The following KDM5C variants were observed in gnomAD, a reference collection of about 807,000 sequenced individuals.
KDM5C encodes lysine demethylase 5C.
KDM5C carries 16 observed loss-of-function variants against 110.6 expected under a neutral mutation model. The observed-to-expected ratio is 0.14, with a 90% confidence interval of 0.10 to 0.22. The LOEUF (loss-of-function observed/expected upper bound fraction) is 0.22, where lower values mean the gene tolerates loss of function less well. Among genes scored for constraint, KDM5C ranks in the 10% least tolerant of loss-of-function variants. KDM5C has a pLI of 1.00. For missense variants in KDM5C, 681 were observed against 1,300.9 expected (o/e 0.52, Z 7.33); for synonymous variants, 511 against 520.4 (o/e 0.98, Z 0.24).
chrX:53,215,923 C>G lies in KDM5C; in HGVS notation c.835G>C (p.Gly279Arg), dbSNP rs2073727852. 8.3e-7 allele frequency: 1 copy of G among 1,211,976 alleles called. No individual in the cohort carries two copies. The highest frequency in any genetic ancestry group is 1.1e-6 in the Non-Finnish European group (1 of 895,476). Residue 279 changes from glycine (G) to arginine (R), a missense_variant, in exon 7 of 26, where the codon GGG becomes CGG. Around this residue, in one of 14 missense-constraint regions of KDM5C, gnomAD observed 71 missense variants for 115.0 expected, o/e 0.62. Transcript: ENST00000375401. ...PTVVVKEELG[G>R]DVKVESTSPK... ...GATGTTGACTCCACCTTCACATCCCCACCTAACTCCTCCTTCACCACTACT... is the reference window on the plus strand; with the variant it reads ...GATGTTGACTCCACCTTCACATCCCGACCTAACTCCTCCTTCACCACTACT...
chrX:53,176,811 C>T (rs1419076407), intron 25 of KDM5C, among the ~76,000 whole-genome samples: 1 of 111,914 alleles, frequency 8.9e-6, no homozygotes, highest in East Asian at 2.8e-4. Flanking sequence ...TACTGTACGA[C>T]TCTATGATGT....
chrX:53,218,530 C>T (rs2073810949), intron 2 of KDM5C, 132 bp from the exon 3 acceptor site: 6 of 774,154 alleles, frequency 7.8e-6, no homozygotes, highest in South Asian at 2.2e-5. Context: ...CCCAATGAAC[C>T]GGATCCCAGA....
chrX:53,203,926 C>T (rs1556843726), intron 12 of KDM5C, among the ~76,000 whole-genome samples: 2 of 111,091 alleles, frequency 1.8e-5, no homozygotes, highest in African/African-American at 3.3e-5. Context: ...GCCACTATGC[C>T]GTATTTTTAG....
intron 14 of KDM5C, among the ~76,000 whole-genome samples, chrX:53,201,052 T>C (rs2073124991): frequency 8.9e-6 from 1 of 112,893 alleles, no homozygotes; most frequent in South Asian, 3.6e-4. Flanking sequence ...GCAAAGGCAA[T>C]GTTAGAGAGA....
rs1556853069 is a variant in KDM5C at position 53,218,307 on chromosome X, C to T, written c.320G>A (p.Arg107Gln). The change falls in exon 3 of 26, where the codon CGG becomes CAG. Residue 107 changes from arginine (R) to glutamine (Q), a missense_variant. Physicochemically the swap from Arg to Gln is conservative, Grantham distance 43 (BLOSUM62 1). Around this residue, in one of 14 missense-constraint regions of KDM5C, gnomAD observed 55 missense variants for 118.0 expected, o/e 0.47. Transcript: ENST00000375401. ...GAGACTGTAGAGGTCCAAGATCCGC[C>T]GTTCTACATTGGGAATCTTTAAGGA... ...GSSLKIPNVE[R>Q]RILDLYSLSK... 2 of 1,209,082 alleles carry T rather than the reference C, an allele frequency of 1.7e-6. No homozygotes were observed. Among genetic ancestry groups the T allele is most frequent in the Non-Finnish European group, 2.2e-6 (2 of 894,493 alleles).
chrX:53,217,629 C>A (rs2073784657), intron 4 of KDM5C, among the ~76,000 whole-genome samples, 167 bp downstream of exon 4: 1 of 111,989 alleles, frequency 8.9e-6, no homozygotes, highest in African/African-American at 3.2e-5. Context: ...ACAGATAACT[C>A]CAGGACCTCT....
exon 26 of KDM5C, among the ~76,000 whole-genome samples, chrX:53,176,446 G>C (rs1933886198): frequency 8.9e-6 from 1 of 111,937 alleles, no homozygotes; most frequent in Non-Finnish European, 1.9e-5. Context: ...CGGGCAGCAG[G>C]TGGTTGGATG....
At chrX:53,179,320 C>A (rs1933971006) in intron 25 of KDM5C, among the ~76,000 whole-genome samples, 1 of 109,597 alleles carries the variant, frequency 9.1e-6, no homozygotes, top group Non-Finnish European at 1.9e-5. Flanking sequence ...AGAGAGACTC[C>A]CTCTCCAAAA....
intron 5 of KDM5C, 87 bp downstream of exon 5, chrX:53,217,056 T>C (rs2073763520): frequency 1.9e-6 from 2 of 1,038,303 alleles, no homozygotes; most frequent in Non-Finnish European, 2.6e-6. Context: ...GAAGGGATAA[T>C]GGAACAGGGA....
At chrX:53,204,114 C>T (rs1556843865) in intron 12 of KDM5C, among the ~76,000 whole-genome samples, 2 of 111,294 alleles carry the variant, frequency 1.8e-5, no homozygotes, top group African/African-American at 6.5e-5. Flanking sequence ...TAAATGGAAG[C>T]TCTGAGTACA....
At chrX:53,191,338 C>T, downstream of KDM5C, 1 of 173,865 alleles carries the variant, frequency 5.8e-6, no homozygotes, top group East Asian at 8.2e-5. Context: ...TTATACGATT[C>T]CATTTATGTA....
chrX:53,192,839 T>TG lies in KDM5C; in HGVS notation c.*127dup. On this transcript the variant is annotated 3_prime_UTR_variant, in exon 26 of 26. Coordinates refer to ENST00000375401, the MANE Select transcript of KDM5C (RefSeq NM_004187.5). ...ATACAAAAGTCAAGGGACTCAGGGG[T>TG]GGGCGGGTAGCAGGGATGGCCACCC... 1.1e-6 allele frequency: 1 copy of TG among 879,042 alleles called. No homozygotes were observed. Among genetic ancestry groups the TG allele is most frequent in the Non-Finnish European group, 1.5e-6 (1 of 646,885 alleles). 72.4% of individuals were successfully genotyped at this position (879,042 alleles called of 1,213,427 possible). A position where few individuals can be genotyped will look rare whatever the true frequency, so the allele number is the denominator to read the frequency against.
downstream of KDM5C, among the ~76,000 whole-genome samples, chrX:53,187,145 G>A (rs1190508216): frequency 9.0e-6 from 1 of 111,205 alleles, no homozygotes; most frequent in Non-Finnish European, 1.9e-5. Context: ...CCACAATATG[G>A]ACTTCCACCA....
downstream of KDM5C, among the ~76,000 whole-genome samples, chrX:53,187,205 A>C (rs1305688909): frequency 5.2e-4 from 58 of 110,869 alleles, no homozygotes; most frequent in Admixed American, 5.4e-3. Context: ...TGCCAACAGA[A>C]CAGTAACCCA....
chrX:53,224,141 C>G (rs1342926755), intron 1 of KDM5C, among the ~76,000 whole-genome samples: 1 of 111,955 alleles, frequency 8.9e-6, no homozygotes, highest in Non-Finnish European at 1.9e-5. Flanking sequence ...CCCTCACAGT[C>G]ACAATAATTA....
intron 12 of KDM5C, chrX:53,202,813 G>T (rs1221465636): frequency 9.1e-6 from 1 of 110,491 alleles, no homozygotes; most frequent in Non-Finnish European, 1.9e-5. Context: ...ATTCTAAGAT[G>T]AAAATCCTTT....
chrX:53,189,156 A>G (rs782325253), downstream of KDM5C, among the ~76,000 whole-genome samples: 12 of 112,501 alleles, frequency 1.1e-4, no homozygotes, highest in Non-Finnish European at 1.9e-4. Context: ...GAGGTTATGT[A>G]CCTCGGCAAT....
Position 53,193,832 on chromosome X carries a change from T to A in KDM5C, c.4058A>T (p.Asn1353Ile). Residue 1353 changes from asparagine to isoleucine, a missense_variant, in exon 24 of 26, where the codon AAT becomes ATT. Coordinates refer to ENST00000375401, the MANE Select transcript of KDM5C (RefSeq NM_004187.5). ...CTCAGGACTGGTCACACTGTCTCCA[T>A]TCTCCAGTAAGCCCTGGACCTGCGG... ...DMPKVQGLLE[N>I]GDSVTSPEKV... is the part of the protein sequence containing the mutation. The A allele has an allele frequency of 8.3e-7, 1 of 1,210,716 alleles. No homozygotes were observed. Among genetic ancestry groups the A allele is most frequent in the Non-Finnish European group, 1.1e-6 (1 of 894,663 alleles).
At chrX:53,188,603 G>C (rs1265119756), downstream of KDM5C, among the ~76,000 whole-genome samples, 2 of 110,746 alleles carry the variant, frequency 1.8e-5, no homozygotes, top group Admixed American at 9.6e-5. Context: ...TCGAACTCCT[G>C]ACCTCAGGTG....
Sources: allele counts gnomAD v4.1 joint callset (sites outside exome capture counted in the v4.1 genomes callset), GRCh38; gene constraint gnomAD v4.1.1; regional missense constraint gnomAD v4.1.1; transcripts MANE v1.5; gene names NCBI Gene and HGNC (gene_info 2026-07-23, HGNC 2026-07-21).